Variants in SEMA6D observed in about 807,000 individuals in gnomAD.
The protein encoded by SEMA6D is semaphorin-6D.
A neutral mutation model predicts 106.6 loss-of-function variants in SEMA6D; 35 were observed. The observed-to-expected ratio is 0.33, with a 90% CI of 0.25 to 0.44. The LOEUF is 0.44. SEMA6D is among the 20% of genes least tolerant of loss of function. SEMA6D has a pLI of 1.00. For missense variants in SEMA6D, 1,185 were observed against 1,345.9 expected (o/e 0.88, Z 1.87); for synonymous variants, 499 against 487.7 (o/e 1.02, Z -0.31).
intron 1 of SEMA6D, among the ~76,000 whole-genome samples, chr15:47,743,651 C>T (rs1167803359): frequency 6.6e-6 from 1 of 152,108 alleles, no homozygotes; most frequent in South Asian, 2.1e-4. Context: ...AGTGATTTCT[C>T]ATGAGGAATC....
intron 4 of SEMA6D, among the ~76,000 whole-genome samples, chr15:47,697,357 C>T (rs2078722176): frequency 6.6e-6 from 1 of 152,154 alleles, no homozygotes; most frequent in East Asian, 1.9e-4. Flanking sequence ...AAACAGCAAG[C>T]CCTGCCTTGA....
At chr15:47,758,361 A>G (rs1014607570) in intron 1 of SEMA6D, among the ~76,000 whole-genome samples, 14 of 152,130 alleles carry the variant, frequency 9.2e-5, no homozygotes, top group African/African-American at 2.9e-4. Context: ...GATCTCTCCT[A>G]AAGTTCTTAG....
At chr15:47,446,056 G>A (rs752472410) in intron 2 of SEMA6D, among the ~76,000 whole-genome samples, 2 of 152,180 alleles carry the variant, frequency 1.3e-5, no homozygotes, top group African/African-American at 2.4e-5. Context: ...AAATAGTTAC[G>A]CATGACAGTT....
intron 4 of SEMA6D, among the ~76,000 whole-genome samples, chr15:47,622,201 CAAAA>C (rs199839582): frequency 4.8e-5 from 3 of 62,788 alleles, no homozygotes; most frequent in Non-Finnish European, 1.1e-4. Flanking sequence ...GAAACCCAGC[CAAAA>C]AAAAAAAAAA....
chr15:47,409,903 G>C (rs567323038), intron 1 of SEMA6D, among the ~76,000 whole-genome samples: 2 of 152,176 alleles, frequency 1.3e-5, no homozygotes, highest in East Asian at 3.9e-4. Flanking sequence ...GGGTTGTGGG[G>C]GGGGTGGGGA....
At chr15:47,354,132 T>C (rs1003198843) in intron 1 of SEMA6D, among the ~76,000 whole-genome samples, 1 of 150,310 alleles carries the variant, frequency 6.7e-6, no homozygotes, top group African/African-American at 2.4e-5. Flanking sequence ...AGAGTGTGTA[T>C]ATATATATGG....
chr15:47,613,057 A>T (rs985794070), intron 4 of SEMA6D, among the ~76,000 whole-genome samples: 1 of 152,208 alleles, frequency 6.6e-6, no homozygotes, highest in Non-Finnish European at 1.5e-5. Flanking sequence ...TATTTTTGAG[A>T]TAAAGAATAC....
intron 2 of SEMA6D, among the ~76,000 whole-genome samples, chr15:47,468,513 A>G (rs964550744): frequency 2.0e-5 from 3 of 152,186 alleles, no homozygotes; most frequent in African/African-American, 7.2e-5. Flanking sequence ...CATGGTGGCT[A>G]ACCTCAGAAG....
chr15:47,708,881 C>T (rs2078963432), intron 4 of SEMA6D, among the ~76,000 whole-genome samples: 1 of 152,206 alleles, frequency 6.6e-6, no homozygotes, highest in Non-Finnish European at 1.5e-5. Flanking sequence ...AAGCAAATTT[C>T]CCAGTTGCAG....
At chr15:47,202,777 T>G (rs1299260682) in intron 1 of SEMA6D, among the ~76,000 whole-genome samples, 1 of 152,176 alleles carries the variant, frequency 6.6e-6, no homozygotes, top group East Asian at 1.9e-4. Context: ...AATTTGTTTC[T>G]TCTGAGAAGG....
intron 3 of SEMA6D, among the ~76,000 whole-genome samples, chr15:47,594,522 T>C (rs920198170): frequency 2.6e-5 from 4 of 152,174 alleles, no homozygotes; most frequent in South Asian, 2.1e-4. Context: ...TTATTTATGC[T>C]TTAAAACAGC....
chr15:47,419,411 A>C (rs2041080255), intron 2 of SEMA6D, among the ~76,000 whole-genome samples: 1 of 152,106 alleles, frequency 6.6e-6, no homozygotes, highest in Non-Finnish European at 1.5e-5. Flanking sequence ...GTATTAGAGA[A>C]AGTGATAATG....
chr15:47,376,923 T>G (rs1237797783), intron 1 of SEMA6D, among the ~76,000 whole-genome samples: 2 of 152,160 alleles, frequency 1.3e-5, no homozygotes, highest in Non-Finnish European at 2.9e-5. Context: ...TAACTGTAGT[T>G]TAAACAACCT....
chr15:47,345,194 C>CT (rs2037995219), intron 1 of SEMA6D, among the ~76,000 whole-genome samples: 2 of 149,960 alleles, frequency 1.3e-5, no homozygotes, highest in South Asian at 2.1e-4. Flanking sequence ...TTTCAGTAGA[C>CT]TTTTTTGTAG....
chr15:47,493,934 A>G (rs981477316), intron 3 of SEMA6D, among the ~76,000 whole-genome samples: 3 of 152,178 alleles, frequency 2.0e-5, no homozygotes, highest in Non-Finnish European at 4.4e-5. Context: ...AATTGAATAA[A>G]ATCTGCAGTG....
chr15:47,635,123 C>T (rs1596493384), intron 4 of SEMA6D, among the ~76,000 whole-genome samples: 1 of 152,124 alleles, frequency 6.6e-6, no homozygotes. Flanking sequence ...GTCCTGACCT[C>T]CCTGTAAAGT....
chr15:47,451,076 C>T (rs539250581), intron 2 of SEMA6D, among the ~76,000 whole-genome samples: 3 of 152,190 alleles, frequency 2.0e-5, no homozygotes, highest in South Asian at 2.1e-4. Flanking sequence ...TGCTTTGCAG[C>T]GAATGTGAGG....
At chr15:47,533,007 G>A (rs1399119464) in intron 3 of SEMA6D, among the ~76,000 whole-genome samples, 1 of 152,032 alleles carries the variant, frequency 6.6e-6, no homozygotes, top group African/African-American at 2.4e-5. Context: ...GGAAGAAACA[G>A]CCCATCTTCC....
rs534179615 is a variant in SEMA6D at position 47,314,381 on chromosome 15, G to A, written c.-238-98012G>A. Among the ~76,000 whole-genome samples the A allele has an allele frequency of 2.0e-3, 302 of 151,348 alleles. 4 individuals are homozygous for A. Among genetic ancestry groups the A allele is most frequent in the African/African-American group, 6.9e-3 (286 of 41,358 alleles). ...TGGGAGGCCGAGGCGGGCGGATCAC[G>A]AGGTCAGGAGATCGAGACCATCCTG... On this transcript the variant is annotated intron_variant, in intron 1 of 19. Coordinates refer to the SEMA6D transcript ENST00000558014.
Sources: allele counts gnomAD v4.1 joint callset (sites outside exome capture counted in the v4.1 genomes callset), GRCh38; gene constraint gnomAD v4.1.1; transcripts MANE v1.5; gene names NCBI Gene and HGNC (gene_info 2026-07-23, HGNC 2026-07-21).